USP15: variants seen among roughly 807,000 people sequenced by gnomAD.
USP15 encodes the protein ubiquitin specific peptidase 15.
USP15 carries 18 observed loss-of-function variants against 127.1 expected under a neutral mutation model. The ratio of observed to expected loss-of-function variants is 0.14; its 90% CI spans 0.10 to 0.21. The LOEUF (loss-of-function observed/expected upper bound fraction) is 0.21. Ranked by LOEUF, USP15 falls within the 10% of genes least tolerant of loss-of-function variation. The probability of loss-of-function intolerance (pLI) is 1.00; values close to 1 mark genes in which losing one functional copy is unlikely to be tolerated. For missense variants in USP15, 805 were observed against 1,159.9 expected, an observed-to-expected ratio of 0.69 and a Z score of 4.44; for synonymous variants, 364 against 393.7, an observed-to-expected ratio of 0.92 and a Z score of 0.89.
rs1335858342 is a variant in USP15, at chr12:62,407,067, A to G, written c.*2692A>G. Reference sequence around the variant, plus strand: ...CCACTTAGCAATCATATGACTTTGAACTTAATCTTTGATAGTGTTTCTTTA... The same window carrying G: ...CCACTTAGCAATCATATGACTTTGAGCTTAATCTTTGATAGTGTTTCTTTA... On this transcript the variant is annotated 3_prime_UTR_variant, in exon 22 of 22. Coordinates refer to ENST00000280377, the MANE Select transcript of USP15 (RefSeq NM_001252078.2). 6.6e-6 allele frequency: 1 copy of G among 152,216 alleles called. No individual in the cohort carries two copies. The highest frequency in any genetic ancestry group is 1.5e-5 in the Non-Finnish European group (1 of 68,050). 9.4% of individuals were successfully genotyped at this position (152,216 alleles called of 1,614,324 possible). A position where few individuals can be genotyped will look rare whatever the true frequency, so the allele number is the denominator to read the frequency against.
Position 62,399,722 on chromosome 12 carries a change from G to A in USP15, c.2675-1465G>A, listed in dbSNP as rs1257848273. Among the ~76,000 whole-genome samples, 4 of 152,126 alleles carry A rather than the reference G, an allele frequency of 2.6e-5. No homozygotes were observed. In the East Asian group the frequency reaches 7.7e-4, roughly 29 times the overall value. On this transcript the variant is annotated intron_variant, in intron 20 of 21. Transcript: ENST00000280377. The stretch of plus-strand genomic sequence containing the variant: ...GAGGAGAGGGAACCAACAACAGATA[G>A]AATATGAAACATTTCTTCCACATGG...
chr12:62,340,827 G>A (rs11561463), intron 6 of USP15, among the ~76,000 whole-genome samples: 50,119 of 152,042 alleles, frequency 0.33, 8,764 homozygotes, highest in African/African-American at 0.45. Flanking sequence ...AGTGCCATGC[G>A]GTGCTGAGAA....
At chr12:62,342,654 C>T (rs911460170) in intron 6 of USP15, among the ~76,000 whole-genome samples, 1 of 152,072 alleles carries the variant, frequency 6.6e-6, no homozygotes, top group African/African-American at 2.4e-5. Context: ...AACAGTCGGG[C>T]CCCTCTTCTG....
intron 6 of USP15, among the ~76,000 whole-genome samples, chr12:62,334,498 C>T (rs939423220): frequency 2.0e-5 from 3 of 152,104 alleles, no homozygotes; most frequent in Non-Finnish European, 4.4e-5. Flanking sequence ...AACACCCTAC[C>T]TGGCATATAG....
rs1192092516 is a variant in USP15, at chr12:62,408,521, GT to G, written c.*4151del. ...CTAGGGCCATAGAATAAGAGTAGAA[GT>G]TTTTGCTCATTTTTTTTGTTTGTTT... On this transcript the variant is annotated 3_prime_UTR_variant, in exon 22 of 22. Coordinates refer to ENST00000280377, the MANE Select transcript of USP15 (RefSeq NM_001252078.2). The G allele has an allele frequency of 1.3e-5, 2 of 151,950 alleles. No individual in the cohort carries two copies. The highest frequency in any genetic ancestry group is 4.8e-5 in the African/African-American group (2 of 41,360). 9.4% of individuals were successfully genotyped at this position (151,950 alleles called of 1,614,324 possible). A position where few individuals can be genotyped will look rare whatever the true frequency, so the allele number is the denominator to read the frequency against.
intron 6 of USP15, among the ~76,000 whole-genome samples, chr12:62,330,281 G>T (rs906956470): frequency 2.0e-5 from 3 of 151,326 alleles, no homozygotes; most frequent in Non-Finnish European, 4.4e-5. Flanking sequence ...TCTGGATGAA[G>T]CCTGGCTTGA....
chr12:62,319,000 A>G (rs2064910577), intron 4 of USP15, among the ~76,000 whole-genome samples: 4 of 152,198 alleles, frequency 2.6e-5, no homozygotes, highest in Admixed American at 2.6e-4. Flanking sequence ...ACCTTGAATT[A>G]GTCCATTCTC....
At chr12:62,344,643 C>A (rs1373430905) in intron 6 of USP15, among the ~76,000 whole-genome samples, 1 of 152,228 alleles carries the variant, frequency 6.6e-6, no homozygotes, top group Admixed American at 6.5e-5. Context: ...TATTTCCCTT[C>A]CTGGCTGCCC....
intron 6 of USP15, among the ~76,000 whole-genome samples, chr12:62,345,076 G>T (rs1016828409): frequency 6.6e-6 from 1 of 152,098 alleles, no homozygotes; most frequent in Admixed American, 6.6e-5. Context: ...TACTTTTGCC[G>T]GCTTGAATTT....
At position 62,410,991 on chromosome 12, in the gene USP15, C is replaced by G. The variant is rs2068026803; in HGVS notation, c.*6616C>G. On this transcript the variant is annotated 3_prime_UTR_variant, in exon 22 of 22. Coordinates refer to ENST00000280377, the MANE Select transcript of USP15 (RefSeq NM_001252078.2). Reference sequence around the variant, plus strand: ...ATGAGACTGCATCCTCAACAGGCACCTTGGTTGCAACACCATGAAAGACCT... The same window carrying G: ...ATGAGACTGCATCCTCAACAGGCACGTTGGTTGCAACACCATGAAAGACCT... 1 of 151,986 alleles carries G rather than the reference C, an allele frequency of 6.6e-6. No homozygotes were observed. The highest frequency in any genetic ancestry group is 1.5e-5 in the Non-Finnish European group (1 of 68,028). The allele number at this position is 151,986 out of a possible 1,614,324, so 9.4% of individuals were successfully genotyped here.
rs545853371 is a variant in USP15 at position 62,407,502 on chromosome 12, C to T, written c.*3127C>T. ...ACTTTGCTTCTAAAAGTATATTTAG[C>T]TCAGTATTCGAGCATTGAATAAGAA... On this transcript the variant is annotated 3_prime_UTR_variant, in exon 22 of 22. Coordinates refer to ENST00000280377, the MANE Select transcript of USP15 (RefSeq NM_001252078.2). 1.9e-4 allele frequency: 29 copies of T among 152,266 alleles called. No individual in the cohort carries two copies. Among genetic ancestry groups the T allele is most frequent in the African/African-American group, 6.5e-4 (27 of 41,548 alleles). 9.4% of individuals were successfully genotyped at this position (152,266 alleles called of 1,614,324 possible).
intron 4 of USP15, among the ~76,000 whole-genome samples, chr12:62,320,496 A>G (rs2064954664): frequency 6.6e-6 from 1 of 152,216 alleles, no homozygotes; most frequent in Non-Finnish European, 1.5e-5. Context: ...AGAACAGACT[A>G]ATACAAGTAC....
chr12:62,260,566 C>T (rs2063012489), intron 1 of USP15, 63 bp downstream of exon 1: 1 of 1,468,556 alleles, frequency 6.8e-7, no homozygotes, highest in African/African-American at 1.4e-5. Flanking sequence ...GGGCGGGAGC[C>T]GCGAGCTGGT....
At chr12:62,287,582 T>G (rs1289589446) in intron 1 of USP15, among the ~76,000 whole-genome samples, 1 of 152,212 alleles carries the variant, frequency 6.6e-6, no homozygotes, top group Non-Finnish European at 1.5e-5. Flanking sequence ...TAAGTCACTT[T>G]TGTCTATTTT....
intron 1 of USP15, among the ~76,000 whole-genome samples, chr12:62,284,140 T>C (rs2063728876): frequency 6.6e-6 from 1 of 152,178 alleles, no homozygotes; most frequent in African/African-American, 2.4e-5. Context: ...AGATACGCCG[T>C]GGCTGTGGAT....
intron 1 of USP15, among the ~76,000 whole-genome samples, chr12:62,289,485 A>G (rs2063890542): frequency 6.6e-6 from 1 of 151,536 alleles, no homozygotes; most frequent in Admixed American, 6.6e-5. Flanking sequence ...GTTTATTCGA[A>G]TCTTCTCTCT....
intron 6 of USP15, chr12:62,328,299 G>A (rs1045239932): frequency 2.2e-6 from 1 of 452,972 alleles, no homozygotes; most frequent in Admixed American, 2.4e-5. Context: ...TCAGCTTTGT[G>A]GGCCATATGG....
chr12:62,341,835 G>C (rs2065656546), intron 6 of USP15, among the ~76,000 whole-genome samples: 1 of 152,092 alleles, frequency 6.6e-6, no homozygotes. Context: ...TTCAACCTTG[G>C]AGAATCTGAC....
intron 3 of USP15, among the ~76,000 whole-genome samples, chr12:62,307,438 C>G (rs1237742109): frequency 6.6e-6 from 1 of 152,072 alleles, no homozygotes; most frequent in Admixed American, 6.6e-5. Context: ...TCCCCTCTTA[C>G]AAAACAGGAA....
Sources: allele counts gnomAD v4.1 joint callset (sites outside exome capture counted in the v4.1 genomes callset), GRCh38; gene constraint gnomAD v4.1.1; transcripts MANE v1.5; gene names NCBI Gene and HGNC (gene_info 2026-07-23, HGNC 2026-07-21).